The following FSHR variants were observed in gnomAD, a reference collection of about 807,000 sequenced individuals.
The protein encoded by FSHR is follicle stimulating hormone receptor.
Under a neutral mutation model 52.1 loss-of-function variants are expected in FSHR, and 46 were observed. That is an observed-to-expected ratio of 0.88 (90% CI 0.70 to 1.13). FSHR has a LOEUF of 1.13. Ranked by LOEUF, FSHR falls within the 50% of genes most tolerant of loss-of-function variation. FSHR has a pLI of 0.00. For synonymous variants in FSHR, 399 were observed against 309.6 expected, an observed-to-expected ratio of 1.29 and a Z score of -3.03; for missense variants, 964 against 834.6, an observed-to-expected ratio of 1.16 and a Z score of -1.91.
intron 1 of FSHR, among the ~76,000 whole-genome samples, chr2:49,129,263 A>AT (rs1269477931): frequency 6.6e-6 from 1 of 151,950 alleles, no homozygotes; most frequent in Non-Finnish European, 1.5e-5. Flanking sequence ...ACACCTATTG[A>AT]TTCTGAGTCA....
intron 2 of FSHR, among the ~76,000 whole-genome samples, chr2:49,043,414 C>G (rs1007926425): frequency 3.9e-5 from 6 of 152,178 alleles, no homozygotes; most frequent in African/African-American, 1.4e-4. Flanking sequence ...CCTGATTTGA[C>G]TATGTAATTA....
intron 1 of FSHR, among the ~76,000 whole-genome samples, chr2:49,079,096 A>C (rs1670064457): frequency 6.6e-6 from 1 of 151,822 alleles, no homozygotes; most frequent in Non-Finnish European, 1.5e-5. Flanking sequence ...GACAAAAATA[A>C]CCCCCCCATA....
intron 2 of FSHR, among the ~76,000 whole-genome samples, chr2:49,027,967 C>G (rs1485318877): frequency 6.6e-6 from 1 of 150,918 alleles, no homozygotes; most frequent in Non-Finnish European, 1.5e-5. Flanking sequence ...CAGGAATTTA[C>G]TGAGTTCCTA....
chr2:49,126,235 A>G (rs1381363461), intron 1 of FSHR, among the ~76,000 whole-genome samples: 1 of 152,000 alleles, frequency 6.6e-6, no homozygotes, highest in Non-Finnish European at 1.5e-5. Context: ...TGAGGGTCCC[A>G]TGTCTGTCAA....
At chr2:49,146,445 G>A (rs373133319) in intron 1 of FSHR, among the ~76,000 whole-genome samples, 2 of 152,012 alleles carry the variant, frequency 1.3e-5, no homozygotes, top group African/African-American at 4.8e-5. Flanking sequence ...AATCATTGCT[G>A]GAGATAGGAT....
chr2:49,110,944 C>G (rs1469758826), intron 1 of FSHR, among the ~76,000 whole-genome samples: 5 of 152,034 alleles, frequency 3.3e-5, no homozygotes, highest in African/African-American at 1.2e-4. Flanking sequence ...GCTAGCCTAC[C>G]CTTATTAACA....
At chr2:49,060,010 CA>C (rs138702806) in intron 2 of FSHR, among the ~76,000 whole-genome samples, 1 of 151,542 alleles carries the variant, frequency 6.6e-6, no homozygotes, top group East Asian at 1.9e-4. Flanking sequence ...AAAAAAATAC[CA>C]AAAAAATTTG....
intron 1 of FSHR, among the ~76,000 whole-genome samples, chr2:49,069,385 C>T (rs2103621334): frequency 6.6e-6 from 1 of 152,280 alleles, no homozygotes; most frequent in Middle Eastern, 3.4e-3. Flanking sequence ...GTTACCATTT[C>T]AGTGAAGCTT....
chr2:49,080,265 C>T (rs1273509886), intron 1 of FSHR, among the ~76,000 whole-genome samples: 1 of 152,124 alleles, frequency 6.6e-6, no homozygotes, highest in East Asian at 1.9e-4. Context: ...GGATAATTTG[C>T]TACAACTGCT....
intron 8 of FSHR, among the ~76,000 whole-genome samples, chr2:48,971,863 C>G (rs566440000): frequency 6.6e-6 from 1 of 152,130 alleles, no homozygotes; most frequent in African/African-American, 2.4e-5. Flanking sequence ...CTGAAAGTTT[C>G]TTCTTATTTG....
At chr2:48,973,491 T>C (rs1205851273) in intron 8 of FSHR, among the ~76,000 whole-genome samples, 4 of 152,162 alleles carry the variant, frequency 2.6e-5, no homozygotes, top group African/African-American at 9.7e-5. Flanking sequence ...AATGAGGCAA[T>C]AGAGAACCAA....
intron 2 of FSHR, among the ~76,000 whole-genome samples, chr2:49,020,751 A>C (rs377131523): frequency 3.9e-4 from 60 of 152,320 alleles, no homozygotes; most frequent in Admixed American, 3.1e-3. Flanking sequence ...TCTCTCTGCT[A>C]ATCTGGCTTT....
At chr2:49,154,190 C>G in intron 1 of FSHR, 76 bp downstream of exon 1, 1 of 1,465,670 alleles carries the variant, frequency 6.8e-7, no homozygotes, top group East Asian at 2.3e-5. Flanking sequence ...AGATATCAGC[C>G]TAATGTAAAA....
Position 48,962,750 on chromosome 2 carries a change from G to T in FSHR, c.2071C>A (p.His691Asn). The change falls in exon 10 of 10, where the codon CAT becomes AAT. Residue 691 changes from histidine to asparagine, a missense_variant. Coordinates refer to ENST00000406846, the MANE Select transcript of FSHR (RefSeq NM_000145.4). ...ATTGTGTTTTAGTTTTGGGCTAAAT[G>T]ACTTAGAGGGACAAGTATGTAAGTG... ...GSTYILVPLS[H>N]LAQN The T allele has an allele frequency of 1.9e-6, 3 of 1,613,846 alleles. No individual in the cohort carries two copies. The highest frequency in any genetic ancestry group is 1.1e-5 in the South Asian group (1 of 91,042).
In FSHR at chr2:49,108,924, G is replaced by C. The variant is rs149481192; in HGVS notation, c.153-40634C>G. 1.5e-3 allele frequency among the ~76,000 whole-genome samples: 224 copies of C among 152,236 alleles called. 1 individual carries two copies. The highest frequency in any genetic ancestry group is 5.1e-3 in the African/African-American group (210 of 41,560). ...TAATATGTGTCATGAAGGGAACAAA[G>C]GGACAGTTAGGACCAAAATCCTGCC... On this transcript the variant is annotated intron_variant, in intron 1 of 9. Transcript: ENST00000406846.
intron 1 of FSHR, among the ~76,000 whole-genome samples, chr2:49,146,924 C>A (rs1481872238): frequency 6.6e-6 from 1 of 151,964 alleles, no homozygotes; most frequent in East Asian, 1.9e-4. Context: ...TGGTTTCTGA[C>A]ACAGGACTCT....
intron 1 of FSHR, among the ~76,000 whole-genome samples, chr2:49,098,642 G>T (rs1296385369): frequency 6.6e-6 from 1 of 151,154 alleles, no homozygotes; most frequent in Non-Finnish European, 1.5e-5. Context: ...GCCTGAGGTA[G>T]CAGAGAAAGA....
intron 1 of FSHR, among the ~76,000 whole-genome samples, chr2:49,093,927 G>C (rs1572735962): frequency 6.6e-6 from 1 of 152,156 alleles, no homozygotes; most frequent in South Asian, 2.1e-4. Context: ...ATTTAAAATG[G>C]ATTTATTTTA....
chr2:49,054,251 C>T (rs942088761), intron 2 of FSHR, among the ~76,000 whole-genome samples: 1 of 152,094 alleles, frequency 6.6e-6, no homozygotes, highest in African/African-American at 2.4e-5. Context: ...AGGTATGCCC[C>T]CAGGCCAACC....
Sources: allele counts gnomAD v4.1 joint callset (sites outside exome capture counted in the v4.1 genomes callset), GRCh38; gene constraint gnomAD v4.1.1; transcripts MANE v1.5; gene names NCBI Gene and HGNC (gene_info 2026-07-23, HGNC 2026-07-21).